The following TP53I11 variants were observed in gnomAD, a reference collection of about 807,000 sequenced individuals.
TP53I11 encodes tumor protein p53-inducible protein 11.
In TP53I11, 9 loss-of-function variants were observed where a neutral mutation model predicts 23.3. The observed-to-expected ratio is 0.39, with a 90% CI of 0.23 to 0.67. The LOEUF (loss-of-function observed/expected upper bound fraction) is 0.67, where lower values mean the gene tolerates loss of function less well. TP53I11 is among the 30% of genes least tolerant of loss of function. The pLI is 0.48. For missense variants in TP53I11, 170 were observed against 255.2 expected (o/e 0.67, Z 2.27); for synonymous variants, 100 against 106.1 (o/e 0.94, Z 0.35).
At chr11:44,949,427 G>A (rs936446610) in intron 1 of TP53I11, among the ~76,000 whole-genome samples, 15 of 152,342 alleles carry the variant, frequency 9.8e-5, no homozygotes, top group African/African-American at 3.1e-4. Flanking sequence ...GGAAGTGCAG[G>A]GTAGTGGGGC....
intron 1 of TP53I11, among the ~76,000 whole-genome samples, chr11:44,940,232 C>T (rs914316422): frequency 1.3e-5 from 2 of 152,262 alleles, no homozygotes; most frequent in Admixed American, 6.5e-5. Context: ...GGCCCACGCC[C>T]TTCCTCTTCC....
At position 44,934,905 on chromosome 11, in the gene TP53I11, G is replaced by C. The variant is rs528220280; in HGVS notation, c.549C>G (p.Gly183=). ...GCAACTAGGCCTTCTTGGGTCTTCG[G>C]CCGACTTGGTAATAGTAGTAAATGC... The part of the protein sequence containing the change: ...VISIYYYYQV[G]RRPKKA The change falls in exon 7 of 7, where the codon GGC becomes GGG. Residue 183 remains glycine (G), a synonymous_variant. Transcript: ENST00000525680. The C allele has an allele frequency of 4.2e-5, 68 of 1,614,128 alleles. No individual in the cohort carries two copies. In the South Asian group the frequency reaches 6.3e-4, roughly 15 times the overall value.
chr11:44,937,175 C>G (rs1030908822), intron 4 of TP53I11, 129 bp downstream of exon 4: 13 of 1,204,410 alleles, frequency 1.1e-5, no homozygotes, highest in African/African-American at 1.5e-5. Context: ...TTCTCGGAGG[C>G]AGCCCCAGAG....
Position 44,932,881 on chromosome 11 carries a change from C to T in TP53I11, c.*2003G>A, listed in dbSNP as rs1027356876. 3 of 152,332 alleles carry T rather than the reference C, an allele frequency of 2.0e-5. No homozygotes were observed. The highest frequency in any genetic ancestry group is 2.1e-4 in the South Asian group (1 of 4,830). 9.4% of individuals were successfully genotyped at this position (152,332 alleles called of 1,614,324 possible). A position where few individuals can be genotyped will look rare whatever the true frequency, so the allele number is the denominator to read the frequency against. ...GGATGTCTCAGGGCCAGCAGACGCCCGACACGCAGCCTCATTCCCCAGGTG... is the reference window on the plus strand; with the variant it reads ...GGATGTCTCAGGGCCAGCAGACGCCTGACACGCAGCCTCATTCCCCAGGTG... On this transcript the variant is annotated 3_prime_UTR_variant, in exon 7 of 7. Coordinates refer to ENST00000525680, the MANE Select transcript of TP53I11 (RefSeq NM_006034.5).
chr11:44,950,164 G>A lies in TP53I11; in HGVS notation c.-32+513C>T, dbSNP rs542951013. ...CGGCCCTGCGGGGGCAAAGACTGGGGGAACTCGCAAGTTTGCGCCGCGCAC... is the reference window on the plus strand; with the variant it reads ...CGGCCCTGCGGGGGCAAAGACTGGGAGAACTCGCAAGTTTGCGCCGCGCAC... On this transcript the variant is annotated intron_variant, in intron 1 of 6. Coordinates refer to ENST00000525680, the MANE Select transcript of TP53I11 (RefSeq NM_006034.5). 8.2e-3 allele frequency: 1,253 copies of A among 152,480 alleles called. 5 individuals are homozygous for A. Among genetic ancestry groups the A allele is most frequent in the Middle Eastern group, 0.02 (6 of 294 alleles). The allele number at this position is 152,480 out of a possible 1,614,324, so 9.4% of individuals were successfully genotyped here. A position where few individuals can be genotyped will look rare whatever the true frequency, so the allele number is the denominator to read the frequency against.
Position 44,938,276 on chromosome 11 carries a change from G to T in TP53I11, c.60C>A (p.Ser20Arg). Residue 20 changes from serine to arginine, a missense_variant, in exon 2 of 7, where the codon AGC becomes AGA. Transcript: ENST00000525680. Reference sequence around the variant, plus strand: ...CGAGGATCTTGCGGGTCTTCAGGCGGCTCACGAGGTCCGTCTGGCTGTGCT... The same window carrying T: ...CGAGGATCTTGCGGGTCTTCAGGCGTCTCACGAGGTCCGTCTGGCTGTGCT... ...MKKHSQTDLV[S>R]RLKTRKILGV... 1 of 1,612,770 alleles carries T rather than the reference G, an allele frequency of 6.2e-7. No individual in the cohort carries two copies. Among genetic ancestry groups the T allele is most frequent in the Non-Finnish European group, 8.5e-7 (1 of 1,179,556 alleles).
Position 44,936,445 on chromosome 11 carries a change from G to C in TP53I11, c.334+358C>G. 1 of 1,232,938 alleles carries C rather than the reference G, an allele frequency of 8.1e-7. No homozygotes were observed. Among genetic ancestry groups the C allele is most frequent in the Non-Finnish European group, 1.0e-6 (1 of 989,316 alleles). The allele number at this position is 1,232,938 out of a possible 1,614,324, so 76.4% of individuals were successfully genotyped here. A position where few individuals can be genotyped will look rare whatever the true frequency, so the allele number is the denominator to read the frequency against. On this transcript the variant is annotated intron_variant, in intron 5 of 6. Transcript: ENST00000525680. The surrounding 1 kb of genome is among the most constrained non-coding windows in gnomAD (Gnocchi z 4.4). The stretch of plus-strand genomic sequence containing the variant: ...TGGGGATAAAATAGGGGGGGTGCGA[G>C]GGGTTTTGCAGACACTGAATTGATC...
At chr11:44,940,145 C>G (rs994133774) in intron 1 of TP53I11, among the ~76,000 whole-genome samples, 2 of 152,252 alleles carry the variant, frequency 1.3e-5, no homozygotes, top group African/African-American at 4.8e-5. Flanking sequence ...CGTGGCCAGG[C>G]GAGGCTGCCC....
chr11:44,945,314 C>G (rs1228945569), intron 1 of TP53I11, among the ~76,000 whole-genome samples: 1 of 152,200 alleles, frequency 6.6e-6, no homozygotes, highest in Non-Finnish European at 1.5e-5. Context: ...CACCACAACC[C>G]TATGAGAATG....
chr11:44,936,746 C>G lies in TP53I11; in HGVS notation c.334+57G>C. ...CGGACCCCCGTGCTCTCCTCAGCCC[C>G]GCTGGGTCTCCCAGCTGCCCGTCGC... On this transcript the variant is annotated intron_variant, in intron 5 of 6. Transcript: ENST00000525680. This position sits in a 1 kb window ranked among gnomAD's most constrained non-coding sequence, Gnocchi z 4.4. 6.9e-7 allele frequency: 1 copy of G among 1,459,754 alleles called. No homozygotes were observed. The highest frequency in any genetic ancestry group is 9.1e-7 in the Non-Finnish European group (1 of 1,104,230). 90.4% of individuals were successfully genotyped at this position (1,459,754 alleles called of 1,614,324 possible).
chr11:44,940,569 A>G (rs1006558064), intron 1 of TP53I11: 2 of 152,210 alleles, frequency 1.3e-5, no homozygotes, highest in African/African-American at 4.8e-5. Flanking sequence ...CCTCCAAGTC[A>G]CTGTGTGTAT....
rs1409463522 is a variant in TP53I11, at chr11:44,936,909, G to C, written c.238-10C>G. On this transcript the variant is annotated splice_polypyrimidine_tract_variant and intron_variant, in intron 4 of 6. Transcript: ENST00000525680. This position sits in a 1 kb window ranked among gnomAD's most constrained non-coding sequence, Gnocchi z 4.4. ...CAGGGAAGGCAAGCGCCTGCGGGCA[G>C]CGAGAGGGGCTCAGAGGTCCCGCTT... The C allele has an allele frequency of 1.3e-6, 2 of 1,594,110 alleles. No individual in the cohort carries two copies. Among genetic ancestry groups the C allele is most frequent in the Non-Finnish European group, 1.7e-6 (2 of 1,170,688 alleles).
chr11:44,934,770 G>A lies in TP53I11; in HGVS notation c.*114C>T. 1 of 1,450,026 alleles carries A rather than the reference G, an allele frequency of 6.9e-7. No individual in the cohort carries two copies. The highest frequency in any genetic ancestry group is 1.4e-5 in the African/African-American group (1 of 71,022). 89.8% of individuals were successfully genotyped at this position (1,450,026 alleles called of 1,614,324 possible). A position where few individuals can be genotyped will look rare whatever the true frequency, so the allele number is the denominator to read the frequency against. On this transcript the variant is annotated 3_prime_UTR_variant, in exon 7 of 7. Transcript: ENST00000525680. ...GGCCCCCCACCCCCTGCCTCCCTGG[G>A]GCAGGACTGGGGCAGGGCAGGGGAC... is the stretch of plus-strand genomic sequence containing the variant.
At chr11:44,940,557 T>G (rs967078836) in intron 1 of TP53I11, 1 of 152,214 alleles carries the variant, frequency 6.6e-6, no homozygotes. Flanking sequence ...GCCTTTGAGA[T>G]TCCTCCAAGT....
intron 1 of TP53I11, among the ~76,000 whole-genome samples, chr11:44,942,304 C>T (rs1434531177): frequency 4.0e-5 from 6 of 148,470 alleles, no homozygotes; most frequent in Admixed American, 4.0e-4. Context: ...CCACACACCA[C>T]ACCCACACCA....
At chr11:44,937,641 C>T (rs1328440510) in intron 2 of TP53I11, 28 bp from the exon 3 acceptor site, 1 of 1,611,414 alleles carries the variant, frequency 6.2e-7, no homozygotes, top group Admixed American at 1.7e-5. Context: ...CAGAGGCAAC[C>T]AGGGTGAGGG....
chr11:44,937,693 G>T, intron 2 of TP53I11, 80 bp from the exon 3 acceptor site: 1 of 1,485,054 alleles, frequency 6.7e-7, no homozygotes, highest in Non-Finnish European at 9.3e-7. Flanking sequence ...CCAGAGCCCT[G>T]CACACCCAGG....
intron 1 of TP53I11, chr11:44,950,118 C>CTCCG (rs937378568): frequency 6.6e-6 from 1 of 152,296 alleles, no homozygotes; most frequent in Non-Finnish European, 1.5e-5. Context: ...GCAGCGGGAA[C>CTCCG]TCCGCCACCA....
At chr11:44,946,932 TA>T (rs1169777113) in intron 1 of TP53I11, 1 of 444,914 alleles carries the variant, frequency 2.2e-6, no homozygotes, top group Non-Finnish European at 4.5e-6. Context: ...CCTATCTTCC[TA>T]CTCTTTCTTT....
Sources: allele counts gnomAD v4.1 joint callset (sites outside exome capture counted in the v4.1 genomes callset), GRCh38; gene constraint gnomAD v4.1.1; non-coding constraint Gnocchi (gnomAD v3.1); transcripts MANE v1.5; gene names NCBI Gene and HGNC (gene_info 2026-07-23, HGNC 2026-07-21).